Variants in AGTPBP1 observed in about 807,000 individuals in gnomAD.
The protein encoded by AGTPBP1 is cytosolic carboxypeptidase 1.
A neutral mutation model predicts 143.9 loss-of-function variants in AGTPBP1; 70 were observed. The observed-to-expected ratio is 0.49, with a 90% CI of 0.40 to 0.59. AGTPBP1 has a LOEUF of 0.59. Ranked by LOEUF, AGTPBP1 falls within the 20% of genes least tolerant of loss-of-function variation. AGTPBP1 has a pLI of 0.00. For missense variants in AGTPBP1, 1,229 were observed against 1,464.5 expected (o/e 0.84, Z 2.62); for synonymous variants, 463 against 500.2 (o/e 0.93, Z 0.99).
chr9:85,750,388 TTTTC>T, the AGTPBP1 span, among the ~76,000 whole-genome samples: 9 of 152,284 alleles, frequency 5.9e-5, no homozygotes, highest in East Asian at 1.7e-3. Context: ...GGTGTAACAT[TTTTC>T]TTTATTTAGT....
chr9:85,686,369 T>G (rs1198772046), intron 3 of AGTPBP1, among the ~76,000 whole-genome samples: 1 of 152,010 alleles, frequency 6.6e-6, no homozygotes, highest in Non-Finnish European at 1.5e-5. Flanking sequence ...AAAGAGAAAC[T>G]TTCCATAATT....
intron 14 of AGTPBP1, 28 bp from the exon 15 acceptor site, chr9:85,621,313 ATAT>A: frequency 8.6e-7 from 1 of 1,158,794 alleles, no homozygotes; most frequent in Non-Finnish European, 1.2e-6. Context: ...TAACCAAAAT[ATAT>A]TATTATACAC....
intron 17 of AGTPBP1, among the ~76,000 whole-genome samples, chr9:85,609,748 T>A (rs1053750983): frequency 1.3e-5 from 2 of 152,244 alleles, no homozygotes; most frequent in South Asian, 4.1e-4. Flanking sequence ...CACACCAGCA[T>A]TAATGGTATC....
At chr9:85,779,223 A>G in the AGTPBP1 span, among the ~76,000 whole-genome samples, 3 of 128,888 alleles carry the variant, frequency 2.3e-5, no homozygotes, top group South Asian at 7.1e-4. Context: ...ATATAGATAT[A>G]GATATAGATA....
chr9:85,566,529 C>A (rs1448103558), intron 25 of AGTPBP1, among the ~76,000 whole-genome samples: 519 of 78,098 alleles, frequency 6.6e-3, no homozygotes, highest in South Asian at 8.0e-3. Flanking sequence ...GACCATGTCT[C>A]AAAAAAAAAA....
chr9:85,686,206 A>G (rs1417958223), intron 3 of AGTPBP1, among the ~76,000 whole-genome samples: 1 of 152,084 alleles, frequency 6.6e-6, no homozygotes, highest in East Asian at 1.9e-4. Flanking sequence ...TATACTGTCT[A>G]CAGAAATCAC....
intron 8 of AGTPBP1, among the ~76,000 whole-genome samples, chr9:85,668,857 C>A (rs73478972): frequency 0.035 from 5,336 of 151,026 alleles, 338 homozygotes; most frequent in African/African-American, 0.12. Flanking sequence ...TAAAGAAAGA[C>A]CTCTAAAATG....
At chr9:85,787,952 CTG>C in the AGTPBP1 span, 1 of 152,180 alleles carries the variant, frequency 6.6e-6, no homozygotes, top group Non-Finnish European at 1.5e-5. Context: ...AACTGTCACC[CTG>C]TGCTCAAAGA....
At chr9:85,727,908 A>C (rs945028310) in intron 1 of AGTPBP1, among the ~76,000 whole-genome samples, 3 of 151,992 alleles carry the variant, frequency 2.0e-5, no homozygotes, top group Non-Finnish European at 4.4e-5. Flanking sequence ...TATGGCTGTA[A>C]TCCCAGCTGC....
At chr9:85,737,448 C>T (rs1823876524) in intron 1 of AGTPBP1, among the ~76,000 whole-genome samples, 1 of 152,086 alleles carries the variant, frequency 6.6e-6, no homozygotes. Context: ...CATTTGTTGC[C>T]AATGATAAAA....
intron 13 of AGTPBP1, among the ~76,000 whole-genome samples, chr9:85,636,215 T>C (rs915073874): frequency 3.3e-5 from 5 of 149,806 alleles, no homozygotes; most frequent in African/African-American, 1.2e-4. Context: ...AGAAATAAAA[T>C]ATAGAAAACA....
chr9:85,598,782 C>T (rs552690513), intron 17 of AGTPBP1, among the ~76,000 whole-genome samples: 8 of 152,184 alleles, frequency 5.3e-5, no homozygotes, highest in South Asian at 2.1e-4. Context: ...TGCAATGGTG[C>T]GATCTCGGCT....
In AGTPBP1 at chr9:85,547,286, G is replaced by A; in HGVS notation, c.3504C>T (p.Ser1168=). The A allele has an allele frequency of 6.2e-7, 1 of 1,606,538 alleles. No homozygotes were observed. The highest frequency in any genetic ancestry group is 1.3e-5 in the African/African-American group (1 of 74,646). The part of the protein sequence containing the change: ...DLIESSCKVT[S]PTTYVLDEDE... ...CTTCATCCAAGACATAAGTGGTAGGGCTGCAGCCAAAACACACAGAACATA... is the reference window on the plus strand; with the variant it reads ...CTTCATCCAAGACATAAGTGGTAGGACTGCAGCCAAAACACACAGAACATA... Residue 1168 remains serine (S), a splice_region_variant and synonymous_variant, in exon 26 of 26, where the codon AGC becomes AGT. Coordinates refer to ENST00000357081, the MANE Select transcript of AGTPBP1 (RefSeq NM_001330701.2).
chr9:85,695,911 G>A (rs960013095), intron 2 of AGTPBP1, among the ~76,000 whole-genome samples: 22 of 151,294 alleles, frequency 1.5e-4, no homozygotes, highest in African/African-American at 4.6e-4. Context: ...GCGCAATCTC[G>A]GCTCACTGAA....
chr9:85,801,948 G>T, the AGTPBP1 span, among the ~76,000 whole-genome samples: 2 of 152,140 alleles, frequency 1.3e-5, no homozygotes, highest in African/African-American at 4.8e-5. Flanking sequence ...ATATATGTAT[G>T]TATGTATGTA....
At chr9:85,554,275 G>C (rs1176075112) in intron 25 of AGTPBP1, 2 of 152,250 alleles carry the variant, frequency 1.3e-5, no homozygotes, top group Non-Finnish European at 2.9e-5. Context: ...CAAGGTTCCT[G>C]AAAGAAGGGA....
rs1302737450 is a variant in AGTPBP1, at chr9:85,573,131, CCA to C, written c.3503+2182_3503+2183del. 2.6e-5 allele frequency among the ~76,000 whole-genome samples: 4 copies of C among 151,950 alleles called. No individual in the cohort carries two copies. In the South Asian group the frequency reaches 8.3e-4, roughly 32 times the overall value. ...CCACGGTCTCCCTCTCCCTCTCTTT[CCA>C]CAGTCTCCCTCTGATGCCGAGCCGA... On this transcript the variant is annotated intron_variant, in intron 25 of 25. Coordinates refer to ENST00000357081, the MANE Select transcript of AGTPBP1 (RefSeq NM_001330701.2).
chr9:85,702,796 C>T (rs1228992127), intron 2 of AGTPBP1, among the ~76,000 whole-genome samples: 3 of 151,992 alleles, frequency 2.0e-5, no homozygotes, highest in Non-Finnish European at 4.4e-5. Context: ...AATTAGGCCT[C>T]ACAATTGAAT....
chr9:85,686,389 T>TAA (rs1835489828), intron 3 of AGTPBP1, among the ~76,000 whole-genome samples: 1 of 151,900 alleles, frequency 6.6e-6, no homozygotes, highest in Non-Finnish European at 1.5e-5. Flanking sequence ...TATAAAGGGG[T>TAA]AAATCATCAG....
Sources: gnomAD v4.1 joint callset for allele counts (sites outside exome capture counted in the v4.1 genomes callset) on GRCh38, gnomAD v4.1.1 for gene constraint, MANE v1.5 for transcripts, NCBI Gene and HGNC (gene_info 2026-07-23, HGNC 2026-07-21) for gene names.